NAV1: variants seen among roughly 807,000 people sequenced by gnomAD.
NAV1 encodes neuron navigator 1.
NAV1 carries 18 observed loss-of-function variants against 175.2 expected under a neutral mutation model. The observed-to-expected ratio is 0.10, with a 90% CI of 0.07 to 0.15. NAV1 has a LOEUF of 0.15. Ranked by LOEUF, NAV1 falls within the 10% of genes least tolerant of loss-of-function variation. The probability of loss-of-function intolerance (pLI) is 1.00; values close to 1 mark genes in which losing one functional copy is unlikely to be tolerated. For missense variants in NAV1, 1,731 were observed against 2,436.6 expected, an observed-to-expected ratio of 0.71 and a Z score of 6.10; for synonymous variants, 897 against 978.7, an observed-to-expected ratio of 0.92 and a Z score of 1.56.
chr1:201,799,429 C>A (rs1677697235), intron 15 of NAV1, among the ~76,000 whole-genome samples: 1 of 152,104 alleles, frequency 6.6e-6, no homozygotes, highest in South Asian at 2.1e-4. Context: ...GGCAATAATG[C>A]CTATCTTTAT....
chr1:201,544,494 C>T (rs1665610899), intron 1 of NAV1, among the ~76,000 whole-genome samples: 1 of 152,150 alleles, frequency 6.6e-6, no homozygotes, highest in Non-Finnish European at 1.5e-5. Flanking sequence ...CATCAAATCC[C>T]CCTAAAACAT....
At chr1:201,552,190 T>G (rs1665875338) in intron 1 of NAV1, among the ~76,000 whole-genome samples, 1 of 152,184 alleles carries the variant, frequency 6.6e-6, no homozygotes, top group Non-Finnish European at 1.5e-5. Context: ...GAGTCAGGGC[T>G]GGCATGCTGA....
Position 201,588,541 on chromosome 1 carries a change from A to G in NAV1, c.-141A>G, listed in dbSNP as rs1210319745. Among the ~76,000 whole-genome samples the G allele has an allele frequency of 2.1e-5, 3 of 145,412 alleles. No homozygotes were observed. The Admixed American group carries it at 2.1e-4, about 10-fold the overall frequency. ...TAATTTTTTTTTTTTTTTTGTAGAG[A>G]CAGAGTCTTGCTATGTTGCCCGGGC... On this transcript the variant is annotated splice_region_variant and 5_prime_UTR_variant, in exon 2 of 34. Transcript: ENST00000685211.
chr1:201,568,163 C>A (rs1269546095), intron 1 of NAV1, among the ~76,000 whole-genome samples: 1 of 152,176 alleles, frequency 6.6e-6, no homozygotes, highest in Non-Finnish European at 1.5e-5. Flanking sequence ...CAGTGGGGGG[C>A]AGCTGTGGAG....
intron 3 of NAV1, among the ~76,000 whole-genome samples, chr1:201,722,649 T>C (rs986066002): frequency 7.7e-6 from 1 of 130,576 alleles, no homozygotes; most frequent in Non-Finnish European, 1.6e-5. Flanking sequence ...ATGGTAATTC[T>C]ATGTGTTTTT....
In NAV1 at chr1:201,551,113, A is replaced by G. The variant is rs1277966851; in HGVS notation, c.-144+11771A>G. Among the ~76,000 whole-genome samples the G allele has an allele frequency of 2.0e-5, 3 of 152,206 alleles. No homozygotes were observed. In the East Asian group the frequency reaches 5.8e-4, roughly 29 times the overall value. On this transcript the variant is annotated intron_variant, in intron 1 of 33. Coordinates refer to the NAV1 transcript ENST00000685211. ...TCAGAGAGGCTAAGTAACTTACCCAAAGCCACATAACTTTAGGGAATGAGT... is the reference window on the plus strand; with the variant it reads ...TCAGAGAGGCTAAGTAACTTACCCAGAGCCACATAACTTTAGGGAATGAGT...
At chr1:201,654,235 C>G (rs569444247) in intron 1 of NAV1, among the ~76,000 whole-genome samples, 3 of 152,200 alleles carry the variant, frequency 2.0e-5, no homozygotes, top group East Asian at 3.9e-4. Context: ...ACTGATGGCT[C>G]TAACCCCAGG....
chr1:201,809,383 C>A (rs1481126525), intron 21 of NAV1, 59 bp from the exon 26 acceptor site: 2 of 1,593,338 alleles, frequency 1.3e-6, no homozygotes, highest in Non-Finnish European at 1.7e-6. Context: ...CTTTAGGACC[C>A]CGGTTCATGG....
chr1:201,820,007 C>T, exon 30 of NAV1: 1 of 1,376,328 alleles, frequency 7.3e-7, no homozygotes, highest in Admixed American at 1.7e-5. Flanking sequence ...TCTCCCCTCT[C>T]CTCTTTCAGA....
At chr1:201,729,836 G>A (rs1177063273) in intron 3 of NAV1, among the ~76,000 whole-genome samples, 1 of 152,222 alleles carries the variant, frequency 6.6e-6, no homozygotes, top group African/African-American at 2.4e-5. Flanking sequence ...AACCCGGGAG[G>A]TGGAGCTTGC....
chr1:201,756,943 C>G (rs1347988396), intron 3 of NAV1, among the ~76,000 whole-genome samples: 2 of 151,642 alleles, frequency 1.3e-5, no homozygotes, highest in Non-Finnish European at 2.9e-5. Flanking sequence ...ATGATTCACT[C>G]TTAGCCCCAA....
At chr1:201,552,306 G>A (rs935569612) in intron 1 of NAV1, among the ~76,000 whole-genome samples, 2 of 152,228 alleles carry the variant, frequency 1.3e-5, no homozygotes, top group African/African-American at 4.8e-5. Context: ...ATACACAGTA[G>A]GGGCTCAGCA....
In NAV1 at chr1:201,740,008, G is replaced by T. The variant is rs1199854188; in HGVS notation, c.1226+21253G>T. On this transcript the variant is annotated intron_variant, in intron 3 of 29. Transcript: ENST00000367296. The surrounding 1 kb of genome is among the most constrained non-coding windows in gnomAD (Gnocchi z 4.7). ...CTGGGTGCCCACCCGGTGAATGGCC[G>T]CCTGAGCCGGGGAAGATGCTTCATC... 4 of 1,469,968 alleles carry T rather than the reference G, an allele frequency of 2.7e-6. No individual in the cohort carries two copies. Among genetic ancestry groups the T allele is most frequent in the Middle Eastern group, 1.8e-4 (1 of 5,690 alleles). 91.1% of individuals were successfully genotyped at this position (1,469,968 alleles called of 1,614,324 possible).
intron 15 of NAV1, chr1:201,797,177 T>G (rs1225138294): frequency 2.6e-5 from 4 of 152,242 alleles, no homozygotes; most frequent in Non-Finnish European, 5.9e-5. Context: ...GTAGGCAGTC[T>G]AACTTCATTC....
Position 201,781,109 on chromosome 1 carries a change from G to A in NAV1, c.1463G>A (p.Ser488Asn), listed in dbSNP as rs144032541. Residue 488 changes from serine (S) to asparagine (N), a missense_variant, in exon 5 of 30, where the codon AGT becomes AAT. By Grantham distance (46) the Ser-to-Asn change is conservative (BLOSUM62 1). Coordinates refer to ENST00000367296, the Ensembl canonical transcript of NAV1. ...GCCCCTAAAAAACTGGAGTACGACA[G>A]TGGTAGCCTGAAGATGGAACCTGGG... 186 of 1,614,250 alleles carry A rather than the reference G, an allele frequency of 1.2e-4. No individual in the cohort carries two copies. Among genetic ancestry groups the A allele is most frequent in the Non-Finnish European group, 1.4e-4 (169 of 1,180,042 alleles).
In NAV1 at chr1:201,694,652, G is replaced by A. The variant is rs71635554; in HGVS notation, c.758-18165G>A. 2.0e-5 allele frequency among the ~76,000 whole-genome samples: 3 copies of A among 152,260 alleles called. No homozygotes were observed. Among genetic ancestry groups the A allele is most frequent in the East Asian group, 3.9e-4 (2 of 5,172 alleles). ...TATTGACAAAGATGAGAAGTGAACC[G>A]GGAGCCGTAAATAGCCAGGAGCCTG... On this transcript the variant is annotated intron_variant, in intron 1 of 29. Transcript: ENST00000367296. The surrounding 1 kb of genome is among the most constrained non-coding windows in gnomAD (Gnocchi z 4.2).
intron 3 of NAV1, among the ~76,000 whole-genome samples, chr1:201,760,582 G>C (rs1365814512): frequency 1.3e-5 from 2 of 152,180 alleles, no homozygotes; most frequent in Non-Finnish European, 2.9e-5. Context: ...TCTCCCTGGG[G>C]ACCTCAATAG....
intron 3 of NAV1, among the ~76,000 whole-genome samples, chr1:201,776,341 A>G (rs1432339540): frequency 6.7e-6 from 1 of 148,538 alleles, no homozygotes; most frequent in East Asian, 2.0e-4. Context: ...TCTACAAAAA[A>G]AAAAAAAAAA....
Position 201,718,896 on chromosome 1 carries a change from C to A in NAV1, c.1226+141C>A. ...AAAGTACACAAAAGTGTGCTGTGTACACTTTGTGATTGCCTCTGAAATTCG... is the reference window on the plus strand; with the variant it reads ...AAAGTACACAAAAGTGTGCTGTGTAAACTTTGTGATTGCCTCTGAAATTCG... On this transcript the variant is annotated intron_variant, in intron 3 of 29. Transcript: ENST00000367296. This position sits in a 1 kb window ranked among gnomAD's most constrained non-coding sequence, Gnocchi z 4.8. The A allele has an allele frequency of 1.8e-6, 2 of 1,114,392 alleles. No homozygotes were observed. The highest frequency in any genetic ancestry group is 2.6e-6 in the Non-Finnish European group (2 of 779,484). The allele number at this position is 1,114,392 out of a possible 1,614,324, so 69.0% of individuals were successfully genotyped here.
Sources: gnomAD v4.1 joint callset for allele counts (sites outside exome capture counted in the v4.1 genomes callset) on GRCh38, gnomAD v4.1.1 for gene constraint, Gnocchi (gnomAD v3.1) non-coding constraint, MANE v1.5 for transcripts, NCBI Gene and HGNC (gene_info 2026-07-23, HGNC 2026-07-21) for gene names.